The following GYG2 variants were observed in gnomAD, a reference collection of about 807,000 sequenced individuals.
The protein encoded by GYG2 is glycogenin-2.
In GYG2, 29 loss-of-function variants were observed where a neutral mutation model predicts 29.4. The observed-to-expected ratio is 0.99, with a 90% CI of 0.74 to 1.35. The LOEUF is 1.35. GYG2 is among the 40% of genes most tolerant of loss of function. GYG2 has a pLI of 0.00. For missense variants in GYG2, 370 were observed against 385.7 expected, an observed-to-expected ratio of 0.96 and a Z score of 0.34; for synonymous variants, 167 against 172.3, an observed-to-expected ratio of 0.97 and a Z score of 0.24.
In GYG2 at chrX:2,882,406, C is replaced by T. The variant is rs2088736411; in HGVS notation, c.*1193C>T. The T allele has an allele frequency of 9.0e-6, 1 of 111,350 alleles. No homozygotes were observed. Among genetic ancestry groups the T allele is most frequent in the African/African-American group, 3.3e-5 (1 of 30,567 alleles). 9.2% of individuals were successfully genotyped at this position (111,350 alleles called of 1,213,427 possible). A position where few individuals can be genotyped will look rare whatever the true frequency, so the allele number is the denominator to read the frequency against. On this transcript the variant is annotated 3_prime_UTR_variant, in exon 11 of 11. Coordinates refer to ENST00000398806, the MANE Select transcript of GYG2 (RefSeq NM_001079855.2). Reference sequence around the variant, plus strand: ...AGCCTGTGTCAGCTGGATGTGTTTACGTGGAGAGGCGTGGCCACTTTTTAG... The same window carrying T: ...AGCCTGTGTCAGCTGGATGTGTTTATGTGGAGAGGCGTGGCCACTTTTTAG...
chrX:2,840,315 A>G (rs1326695400), intron 2 of GYG2, among the ~76,000 whole-genome samples: 3 of 111,576 alleles, frequency 2.7e-5, no homozygotes, highest in Non-Finnish European at 5.6e-5. Flanking sequence ...AAGCTCACAC[A>G]GTACCTTTAC....
At chrX:2,877,343 C>T (rs1261654594) in intron 10 of GYG2, 36 bp downstream of exon 10, 7 of 1,199,380 alleles carry the variant, frequency 5.8e-6, no homozygotes, top group East Asian at 3.0e-5. Flanking sequence ...CCAAGGCTCC[C>T]GGTGGGGGCC....
At chrX:2,846,473 T>G (rs940518546) in intron 3 of GYG2, among the ~76,000 whole-genome samples, 31 of 110,633 alleles carry the variant, frequency 2.8e-4, no homozygotes, top group African/African-American at 9.8e-4. Flanking sequence ...AAGAAACAAA[T>G]TCAAGGATTA....
intron 2 of GYG2, among the ~76,000 whole-genome samples, chrX:2,840,066 A>G (rs2087461494): frequency 8.9e-6 from 1 of 112,001 alleles, no homozygotes; most frequent in Non-Finnish European, 1.9e-5. Context: ...ATTTTTTGAG[A>G]GTTTGCATGG....
intron 3 of GYG2, among the ~76,000 whole-genome samples, chrX:2,852,194 C>T (rs1164834159): frequency 8.9e-6 from 1 of 111,990 alleles, no homozygotes; most frequent in East Asian, 2.8e-4. Flanking sequence ...GAGTTCGAGG[C>T]TGCAATGAGC....
At chrX:2,879,734 TTAGA>T (rs1226421958) in intron 10 of GYG2, among the ~76,000 whole-genome samples, 3 of 112,055 alleles carry the variant, frequency 2.7e-5, no homozygotes, top group African/African-American at 9.7e-5. Context: ...GAGAGATATT[TTAGA>T]TAAATAGATA....
intron 5 of GYG2, 132 bp downstream of exon 5, chrX:2,855,287 T>C: frequency 1.8e-6 from 1 of 547,103 alleles, no homozygotes; most frequent in East Asian, 3.4e-5. Flanking sequence ...GAGAAATGTG[T>C]TGTTAAGTGA....
At chrX:2,878,282 A>AATTATT (rs201944405) in intron 10 of GYG2, 10 of 442,182 alleles carry the variant, frequency 2.3e-5, no homozygotes, top group African/African-American at 2.8e-5. Flanking sequence ...TCTTTTTAAA[A>AATTATT]ATTATTATTA....
rs2087229836 is a variant in GYG2 at position 2,830,130 on chromosome X, C to T, written c.-59C>T. 8.6e-7 allele frequency: 1 copy of T among 1,159,963 alleles called. No individual in the cohort carries two copies. Among genetic ancestry groups the T allele is most frequent in the East Asian group, 3.0e-5 (1 of 33,523 alleles). On this transcript the variant is annotated 5_prime_UTR_variant, in exon 2 of 11. Coordinates refer to ENST00000398806, the MANE Select transcript of GYG2 (RefSeq NM_001079855.2). ...GCGGGTTCGTGGCGAGGAAGTCCAC[C>T]CACTGCTCCCGGGCGCAGGTCTGCA...
Position 2,855,130 on chromosome X carries a change from C to T in GYG2, c.462C>T (p.His154=), listed in dbSNP as rs1343195404. ...SLHTHKLLLQ[H]AMEHGSFDGA... ...ACACGCATAAACTCCTGCTACAGCA[C>T]GCCATGGAACACGGCAGCTTTGACG... The change falls in exon 5 of 11, where the codon CAC becomes CAT. Residue 154 remains histidine (H), a synonymous_variant. Coordinates refer to ENST00000398806, the MANE Select transcript of GYG2 (RefSeq NM_001079855.2). The T allele has an allele frequency of 1.4e-5, 17 of 1,211,053 alleles. No individual in the cohort carries two copies. The highest frequency in any genetic ancestry group is 3.0e-5 in the East Asian group (1 of 33,810).
intron 4 of GYG2, 59 bp downstream of exon 4, chrX:2,854,213 G>A (rs1603459256): frequency 3.4e-6 from 3 of 894,021 alleles, no homozygotes; most frequent in South Asian, 2.4e-5. Flanking sequence ...CTATCCTTAA[G>A]CAGGCTGTCA....
chrX:2,855,535 G>A (rs1156946269), intron 5 of GYG2, among the ~76,000 whole-genome samples: 1 of 112,177 alleles, frequency 8.9e-6, no homozygotes, highest in Non-Finnish European at 1.9e-5. Context: ...TGGGACCACC[G>A]TCAGATGTAT....
intron 2 of GYG2, among the ~76,000 whole-genome samples, chrX:2,832,026 C>T (rs2087275303): frequency 8.9e-6 from 1 of 112,853 alleles, no homozygotes; most frequent in Non-Finnish European, 1.9e-5. Flanking sequence ...AATGCAGTAG[C>T]ATTGGATAAT....
intron 3 of GYG2, among the ~76,000 whole-genome samples, chrX:2,849,839 G>C (rs771060263): frequency 1.8e-5 from 2 of 112,245 alleles, no homozygotes; most frequent in East Asian, 5.6e-4. Flanking sequence ...GAGTAGCCAA[G>C]CACAGTGGCT....
At chrX:2,847,533 CAA>C (rs34368863) in intron 3 of GYG2, among the ~76,000 whole-genome samples, 688 of 56,238 alleles carry the variant, frequency 0.012, 11 homozygotes, top group African/African-American at 0.039. Flanking sequence ...ACTAAAAGTA[CAA>C]AAAAAAAAAA....
chrX:2,854,067 A>G lies in GYG2; in HGVS notation c.237A>G (p.Arg79=). 8.3e-7 allele frequency: 1 copy of G among 1,201,843 alleles called. No homozygotes were observed. The highest frequency in any genetic ancestry group is 1.1e-6 in the Non-Finnish European group (1 of 886,741). Residue 79 remains arginine, a synonymous_variant, in exon 4 of 11, where the codon AGA becomes AGG. Coordinates refer to ENST00000398806, the MANE Select transcript of GYG2 (RefSeq NM_001079855.2). ...ADYIHLAFLK[R]PELGLTLTKL... ...ACATCCACCTGGCCTTTCTGAAGAGACCTGAGCTCGGGCTCACCCTCACCA... is the reference window on the plus strand; with the variant it reads ...ACATCCACCTGGCCTTTCTGAAGAGGCCTGAGCTCGGGCTCACCCTCACCA...
chrX:2,865,520 C>T (rs1306450265), intron 8 of GYG2, among the ~76,000 whole-genome samples: 1 of 111,094 alleles, frequency 9.0e-6, no homozygotes, highest in African/African-American at 3.3e-5. Flanking sequence ...TTTGTCCGTC[C>T]GTGAGCCACC....
intron 8 of GYG2, among the ~76,000 whole-genome samples, chrX:2,869,487 G>A (rs2088401249): frequency 9.0e-6 from 1 of 111,140 alleles, no homozygotes; most frequent in Non-Finnish European, 1.9e-5. Context: ...AGTTACTCTG[G>A]GTTTTTTATT....
At chrX:2,841,004 T>TATAG (rs10616333) in intron 2 of GYG2, among the ~76,000 whole-genome samples, 10 of 105,992 alleles carry the variant, frequency 9.4e-5, no homozygotes, top group African/African-American at 2.8e-4. Flanking sequence ...GAATAGATGA[T>TATAG]ATAGATAGAT....
Sources: allele counts gnomAD v4.1 joint callset (sites outside exome capture counted in the v4.1 genomes callset), GRCh38; gene constraint gnomAD v4.1.1; transcripts MANE v1.5; gene names NCBI Gene and HGNC (gene_info 2026-07-23, HGNC 2026-07-21).